Variants in KIAA0586 observed in about 807,000 individuals in gnomAD.
KIAA0586 encodes the protein protein TALPID3.
In KIAA0586, 144 loss-of-function variants were observed where a neutral mutation model predicts 169.8. That is an observed-to-expected ratio of 0.85 (90% CI 0.74 to 0.97). The LOEUF is 0.97. Among genes scored for constraint, KIAA0586 ranks in the 50% least tolerant of loss-of-function variants. The pLI, the probability that KIAA0586 is intolerant of heterozygous loss-of-function variation, is 0.00. For missense variants in KIAA0586, 1,854 were observed against 1,823.0 expected, an observed-to-expected ratio of 1.02 and a Z score of -0.31; for synonymous variants, 625 against 612.4, an observed-to-expected ratio of 1.02 and a Z score of -0.30.
chr14:58,560,364 C>T, the KIAA0586 span, among the ~76,000 whole-genome samples: 4 of 152,202 alleles, frequency 2.6e-5, no homozygotes, highest in African/African-American at 4.8e-5. Context: ...ATTGCCTCCT[C>T]TTTCACAGGC....
chr14:58,509,359 A>G (rs546850282), intron 28 of KIAA0586, among the ~76,000 whole-genome samples: 1 of 152,252 alleles, frequency 6.6e-6, no homozygotes, highest in Non-Finnish European at 1.5e-5. Context: ...TGTTTATTAC[A>G]TTGAAATTTG....
At chr14:58,496,350 G>A (rs2043156793) in intron 26 of KIAA0586, among the ~76,000 whole-genome samples, 1 of 152,136 alleles carries the variant, frequency 6.6e-6, no homozygotes, top group Non-Finnish European at 1.5e-5. Flanking sequence ...TATTCTTAAG[G>A]TGTTAAATAG....
At chr14:58,429,017 C>T (rs1007350406) in intron 1 of KIAA0586, among the ~76,000 whole-genome samples, 1 of 152,186 alleles carries the variant, frequency 6.6e-6, no homozygotes, top group Non-Finnish European at 1.5e-5. Flanking sequence ...TTGGGGGATA[C>T]AGCGGTGACA....
At chr14:58,485,613 G>A (rs1002093338) in intron 21 of KIAA0586, among the ~76,000 whole-genome samples, 1 of 152,130 alleles carries the variant, frequency 6.6e-6, no homozygotes, top group Non-Finnish European at 1.5e-5. Flanking sequence ...TCTGAGGAAG[G>A]GCTCTAGGTA....
intron 4 of KIAA0586, chr14:58,441,396 T>C: frequency 2.8e-6 from 1 of 359,118 alleles, no homozygotes; most frequent in South Asian, 2.0e-5. Flanking sequence ...AGTCAGGATT[T>C]TGCCATGTTG....
At position 58,428,364 on chromosome 14, in the gene KIAA0586, G is replaced by A. The variant is rs186659284; in HGVS notation, c.100G>A (p.Val34Ile). The change falls in exon 1 of 31, where the codon GTT becomes ATT. Residue 34 changes from valine (V) to isoleucine (I), a missense_variant. By Grantham distance (29) the Val-to-Ile change is conservative. Coordinates refer to ENST00000652326, the MANE Select transcript of KIAA0586 (RefSeq NM_001329943.3). The stretch of plus-strand genomic sequence containing the variant: ...TTCTCAAAATCATGGAGATCATTTG[G>A]TTTTGCTGAAAGATGAGTTGCCCTG... ...VVSQNHGDHL[V>I]LLKDELPCVP... 3.2e-5 allele frequency: 51 copies of A among 1,613,964 alleles called. No individual in the cohort carries two copies. The highest frequency in any genetic ancestry group is 3.3e-4 in the Middle Eastern group (2 of 6,062).
chr14:58,559,772 C>T, the KIAA0586 span, among the ~76,000 whole-genome samples: 1 of 152,062 alleles, frequency 6.6e-6, no homozygotes, highest in East Asian at 1.9e-4. Flanking sequence ...GATGGTTTCC[C>T]GCTGCCTGTA....
intron 27 of KIAA0586, among the ~76,000 whole-genome samples, chr14:58,503,544 A>G (rs2043725182): frequency 6.6e-6 from 1 of 152,200 alleles, no homozygotes; most frequent in African/African-American, 2.4e-5. Context: ...GAAACTTGGT[A>G]AGGCCCTGTT....
At chr14:58,542,513 A>G (rs2046704630) in intron 30 of KIAA0586, among the ~76,000 whole-genome samples, 1 of 152,250 alleles carries the variant, frequency 6.6e-6, no homozygotes, top group South Asian at 2.1e-4. Flanking sequence ...ACATTAACAA[A>G]TACCTTTTGA....
intron 16 of KIAA0586, among the ~76,000 whole-genome samples, chr14:58,469,071 A>C (rs2040999854): frequency 6.6e-6 from 1 of 152,114 alleles, no homozygotes; most frequent in African/African-American, 2.4e-5. Flanking sequence ...GAACAAACGA[A>C]CTATCCATTT....
Position 58,524,006 on chromosome 14 carries a change from A to AT in KIAA0586, c.4429+11382dup, listed in dbSNP as rs1406030000. 4.6e-5 allele frequency among the ~76,000 whole-genome samples: 7 copies of AT among 152,326 alleles called. No individual in the cohort carries two copies. The East Asian group carries it at 1.3e-3, about 29-fold the overall frequency. On this transcript the variant is annotated intron_variant, in intron 29 of 30. Coordinates refer to ENST00000652326, the MANE Select transcript of KIAA0586 (RefSeq NM_001329943.3). ...TAATTTTATATAAATTAGGCAGACT[A>AT]TTTCAAGCAGGTAACAGTGGATTAT...
intron 14 of KIAA0586, 82 bp from the exon 15 acceptor site, chr14:58,465,753 A>G: frequency 1.2e-6 from 1 of 836,506 alleles, no homozygotes. Context: ...TTTTTCTGTG[A>G]AGAGCTGTTG....
intron 30 of KIAA0586, among the ~76,000 whole-genome samples, chr14:58,544,698 G>A (rs866663478): frequency 2.0e-5 from 3 of 152,094 alleles, no homozygotes; most frequent in African/African-American, 7.2e-5. Context: ...CTTTGGGGTT[G>A]TTTTTCTCTA....
intron 19 of KIAA0586, among the ~76,000 whole-genome samples, chr14:58,475,384 C>A (rs969204760): frequency 1.3e-5 from 2 of 152,168 alleles, no homozygotes; most frequent in Non-Finnish European, 2.9e-5. Context: ...CCCCCCACCC[C>A]CTACCCCACC....
chr14:58,531,488 A>G (rs889523282), intron 29 of KIAA0586, among the ~76,000 whole-genome samples: 5 of 152,234 alleles, frequency 3.3e-5, no homozygotes, highest in Admixed American at 3.3e-4. Context: ...CCACAATGAG[A>G]TACCATCTCA....
rs1008113617 is a variant in KIAA0586, at chr14:58,521,281, T to C, written c.4429+8654T>C. 32 of 1,143,586 alleles carry C rather than the reference T, an allele frequency of 2.8e-5. No individual in the cohort carries two copies. The Admixed American group carries it at 4.0e-4, about 14-fold the overall frequency. 70.8% of individuals were successfully genotyped at this position (1,143,586 alleles called of 1,614,324 possible). ...CACTCCATGAACTCCCGTGTGTTCA[T>C]TGGGAATCTCAACACTCTTGTGCTC... On this transcript the variant is annotated intron_variant, in intron 29 of 30. Coordinates refer to ENST00000652326, the MANE Select transcript of KIAA0586 (RefSeq NM_001329943.3).
chr14:58,538,974 C>G (rs1025122460), intron 29 of KIAA0586, among the ~76,000 whole-genome samples: 5 of 152,056 alleles, frequency 3.3e-5, no homozygotes, highest in Admixed American at 2.6e-4. Flanking sequence ...GAGACTAGGT[C>G]TAGCCATTTT....
At chr14:58,506,765 GATCA>G (rs1459786647) in intron 27 of KIAA0586, among the ~76,000 whole-genome samples, 2 of 151,776 alleles carry the variant, frequency 1.3e-5, no homozygotes, top group Non-Finnish European at 2.9e-5. Context: ...TAACATAAAA[GATCA>G]ATCAGAGTGA....
At chr14:58,478,009 TTTTG>T (rs1374057487) in intron 20 of KIAA0586, among the ~76,000 whole-genome samples, 3 of 152,068 alleles carry the variant, frequency 2.0e-5, no homozygotes, top group South Asian at 2.1e-4. Context: ...TTGACAAGTT[TTTTG>T]TTTGTTTGTT....
Sources: gnomAD v4.1 joint callset for allele counts (sites outside exome capture counted in the v4.1 genomes callset) on GRCh38, gnomAD v4.1.1 for gene constraint, MANE v1.5 for transcripts, NCBI Gene and HGNC (gene_info 2026-07-23, HGNC 2026-07-21) for gene names.